The following DOCK1 variants were observed in gnomAD, a reference collection of about 807,000 sequenced individuals.
The protein encoded by DOCK1 is dedicator of cytokinesis 1, also known as dedicator of cytokinesis protein 1.
In DOCK1, 138 loss-of-function variants were observed where a neutral mutation model predicts 262.7. That is an observed-to-expected ratio of 0.53 (90% CI 0.46 to 0.61). DOCK1 has a LOEUF of 0.61. Among genes scored for constraint, DOCK1 ranks in the 20% least tolerant of loss-of-function variants. The pLI is 0.00. For missense variants in DOCK1, 1,908 were observed against 2,370.7 expected, an observed-to-expected ratio of 0.80 and a Z score of 4.05; for synonymous variants, 866 against 867.4, an observed-to-expected ratio of 1.00 and a Z score of 0.03.
intron 37 of DOCK1, among the ~76,000 whole-genome samples, chr10:127,383,484 T>C (rs1398957150): frequency 6.6e-6 from 1 of 152,240 alleles, no homozygotes; most frequent in East Asian, 1.9e-4. Context: ...GTGATGGAGA[T>C]ATGCAAGTTC....
Position 127,061,685 on chromosome 10 carries a change from G to T in DOCK1, c.2354G>T (p.Gly785Val). The T allele has an allele frequency of 1.9e-6, 3 of 1,599,512 alleles. No individual in the cohort carries two copies. The highest frequency in any genetic ancestry group is 1.3e-5 in the African/African-American group (1 of 74,840). ...CTTTGCAGACTGTATGAAAACAAGG[G>T]AGAGGCTGACTTCGTGGAATCTTTG... ...ILFNQLYENK[G>V]EADFVESLLQ... Residue 785 changes from glycine to valine, a missense_variant, in exon 23 of 52, where the codon GGA becomes GTA. By Grantham distance (109) the Gly-to-Val change is moderately radical. This residue lies in a region of DOCK1 where 518 missense variants were observed against 575.1 expected (regional missense o/e 0.90). Transcript: ENST00000623213.
chr10:127,013,473 G>A (rs1021858052), intron 12 of DOCK1: 2 of 152,154 alleles, frequency 1.3e-5, no homozygotes, highest in African/African-American at 4.8e-5. Context: ...GACTGCCCTC[G>A]GATCTCCAGT....
intron 27 of DOCK1, among the ~76,000 whole-genome samples, chr10:127,153,468 C>T (rs780632957): frequency 1.3e-5 from 2 of 152,160 alleles, no homozygotes; most frequent in African/African-American, 2.4e-5. Flanking sequence ...CAGGTCTTTC[C>T]ATGGTATTCC....
Position 126,981,909 on chromosome 10 carries a change from CT to C in DOCK1, c.172-8del. ...AATAAAAGCTACTGTTTTTTTTTTCCTCCCAAAGGGTATATTTCCTGCTTCA... is the reference window on the plus strand; with the variant it reads ...AATAAAAGCTACTGTTTTTTTTTTCCCCCAAAGGGTATATTTCCTGCTTCA... On this transcript the variant is annotated splice_polypyrimidine_tract_variant and splice_region_variant and intron_variant, in intron 3 of 51. Transcript: ENST00000623213. 1.9e-6 allele frequency: 3 copies of C among 1,596,394 alleles called. No homozygotes were observed. Among genetic ancestry groups the C allele is most frequent in the Non-Finnish European group, 2.6e-6 (3 of 1,174,758 alleles).
chr10:126,919,954 G>C (rs376673846), intron 1 of DOCK1, among the ~76,000 whole-genome samples: 2 of 152,206 alleles, frequency 1.3e-5, no homozygotes, highest in African/African-American at 4.8e-5. Context: ...TTGGTGGGGA[G>C]TTACGTCTTG....
At chr10:127,429,826 G>A (rs1185969847) in intron 47 of DOCK1, among the ~76,000 whole-genome samples, 4 of 149,798 alleles carry the variant, frequency 2.7e-5, no homozygotes, top group Admixed American at 1.3e-4. Flanking sequence ...ACAGCGCCAC[G>A]TTCGGCATTG....
In DOCK1 at chr10:127,032,182, C is replaced by T; in HGVS notation, c.1774C>T (p.Pro592Ser). The T allele has an allele frequency of 1.9e-6, 3 of 1,598,388 alleles. No individual in the cohort carries two copies. The highest frequency in any genetic ancestry group is 1.7e-5 in the Admixed American group (1 of 57,790). Reference protein sequence around the residue: ...LEDAATYLSLPSTKAELEEKG... With the variant: ...LEDAATYLSLSSTKAELEEKG... ...AGATGCTGCCACGTACTTGAGTCTG[C>T]CCTCCACGAAGGCAGAGTTGGAAGA... Residue 592 changes from proline to serine, a missense_variant, in exon 18 of 52, where the codon CCC becomes TCC. This residue lies in a region of DOCK1 where 294 missense variants were observed against 439.9 expected (regional missense o/e 0.67). Coordinates refer to ENST00000623213, the MANE Select transcript of DOCK1 (RefSeq NM_001290223.2).
At chr10:126,964,423 G>A (rs892450381) in intron 1 of DOCK1, among the ~76,000 whole-genome samples, 1 of 152,308 alleles carries the variant, frequency 6.6e-6, no homozygotes, top group East Asian at 1.9e-4. Context: ...GAGACCAGGC[G>A]GATGGCCCTA....
At chr10:127,201,999 C>T (rs2057482325) in intron 27 of DOCK1, among the ~76,000 whole-genome samples, 1 of 152,048 alleles carries the variant, frequency 6.6e-6, no homozygotes, top group Admixed American at 6.6e-5. Flanking sequence ...GCTGACATGC[C>T]CACAGAGAGT....
chr10:127,321,589 C>T (rs2062531139), intron 29 of DOCK1, among the ~76,000 whole-genome samples: 1 of 151,918 alleles, frequency 6.6e-6, no homozygotes, highest in South Asian at 2.1e-4. Context: ...AGGCTGAGCA[C>T]AGGTCCCTCC....
At chr10:127,187,814 A>G (rs1027373964) in intron 27 of DOCK1, among the ~76,000 whole-genome samples, 34 of 152,168 alleles carry the variant, frequency 2.2e-4, no homozygotes, top group Non-Finnish European at 1.2e-4. Flanking sequence ...GCAAAAGCAT[A>G]TTGGTCTCTA....
chr10:126,921,651 ATTTG>A (rs2134107768), intron 1 of DOCK1, among the ~76,000 whole-genome samples: 1 of 151,760 alleles, frequency 6.6e-6, no homozygotes, highest in South Asian at 2.1e-4. Context: ...AGAGACAGAG[ATTTG>A]TTTGTTTGTT....
intron 10 of DOCK1, among the ~76,000 whole-genome samples, chr10:127,001,762 T>C (rs2040610699): frequency 1.3e-5 from 2 of 152,220 alleles, no homozygotes; most frequent in South Asian, 2.1e-4. Flanking sequence ...ACTAACGGAG[T>C]GTTCCAATGA....
At chr10:127,083,238 G>A (rs2047008341) in intron 23 of DOCK1, among the ~76,000 whole-genome samples, 1 of 152,224 alleles carries the variant, frequency 6.6e-6, no homozygotes, top group Non-Finnish European at 1.5e-5. Flanking sequence ...ATGAATAAGT[G>A]AACTGGAGAT....
chr10:127,431,430 A>C (rs1180799920), intron 47 of DOCK1, among the ~76,000 whole-genome samples: 2 of 152,072 alleles, frequency 1.3e-5, no homozygotes, highest in African/African-American at 4.8e-5. Context: ...ATCCATACTC[A>C]CACATCTCAA....
At chr10:127,400,882 C>T (rs2067184719) in intron 38 of DOCK1, among the ~76,000 whole-genome samples, 1 of 152,152 alleles carries the variant, frequency 6.6e-6, no homozygotes, top group Non-Finnish European at 1.5e-5. Flanking sequence ...AATAGGCCTT[C>T]CCTAAAACTC....
intron 1 of DOCK1, among the ~76,000 whole-genome samples, chr10:126,927,549 G>C (rs1483769283): frequency 6.6e-6 from 1 of 152,036 alleles, no homozygotes; most frequent in Non-Finnish European, 1.5e-5. Flanking sequence ...CGATTCTCCT[G>C]CCTCAGCCTC....
At chr10:127,401,416 G>C (rs2067217419) in intron 38 of DOCK1, among the ~76,000 whole-genome samples, 1 of 152,192 alleles carries the variant, frequency 6.6e-6, no homozygotes, top group South Asian at 2.1e-4. Flanking sequence ...GAGCAGGAAT[G>C]AAAAGAAAGT....
intron 27 of DOCK1, among the ~76,000 whole-genome samples, chr10:127,181,184 A>G (rs985874706): frequency 1.2e-4 from 18 of 152,266 alleles, no homozygotes; most frequent in Admixed American, 1.0e-3. Flanking sequence ...GTATATATGC[A>G]TAGGTATATA....
Sources: allele counts gnomAD v4.1 joint callset (sites outside exome capture counted in the v4.1 genomes callset), GRCh38; gene constraint gnomAD v4.1.1; regional missense constraint gnomAD v4.1.1; transcripts MANE v1.5; gene names NCBI Gene and HGNC (gene_info 2026-07-23, HGNC 2026-07-21).